Variants in SLCO3A1 observed in about 807,000 individuals in gnomAD.
The protein encoded by SLCO3A1 is PGE1 transporter.
A neutral mutation model predicts 63.1 loss-of-function variants in SLCO3A1; 27 were observed. That is an observed-to-expected ratio of 0.43 (90% CI 0.32 to 0.59). SLCO3A1 has a LOEUF of 0.59. Ranked by LOEUF, SLCO3A1 falls within the 20% of genes least tolerant of loss-of-function variation. SLCO3A1 has a pLI of 0.09. For missense variants in SLCO3A1, 773 were observed against 945.8 expected, an observed-to-expected ratio of 0.82 and a Z score of 2.40; for synonymous variants, 473 against 409.9, an observed-to-expected ratio of 1.15 and a Z score of -1.86.
chr15:91,866,184 G>A (rs897843826), intron 1 of SLCO3A1, among the ~76,000 whole-genome samples: 1 of 152,136 alleles, frequency 6.6e-6, no homozygotes, highest in African/African-American at 2.4e-5. Flanking sequence ...GGATTGGACT[G>A]ATAGTCATGT....
At chr15:92,086,080 T>C (rs760208097) in intron 2 of SLCO3A1, among the ~76,000 whole-genome samples, 6 of 152,256 alleles carry the variant, frequency 3.9e-5, no homozygotes, top group Admixed American at 1.3e-4. Context: ...CAAACAATGC[T>C]GGTGTGCGCA....
chr15:91,924,897 T>TGCAA (rs897706163), intron 2 of SLCO3A1, among the ~76,000 whole-genome samples: 4 of 152,358 alleles, frequency 2.6e-5, no homozygotes, highest in Admixed American at 2.6e-4. Flanking sequence ...TTACTGTGTG[T>TGCAA]GCAAGAGCAT....
chr15:92,122,323 T>C (rs1432538745), intron 5 of SLCO3A1, among the ~76,000 whole-genome samples: 1 of 152,192 alleles, frequency 6.6e-6, no homozygotes, highest in African/African-American at 2.4e-5. Flanking sequence ...AGGAGTCAGA[T>C]TGTCTGCTGA....
At chr15:92,166,051 T>C, downstream of SLCO3A1, 1 of 263,676 alleles carries the variant, frequency 3.8e-6, no homozygotes, top group Non-Finnish European at 5.2e-6. Flanking sequence ...TTGTTTTGTT[T>C]TTTGTTTTGT....
chr15:91,912,560 A>C lies in SLCO3A1; in HGVS notation c.181-3433A>C, dbSNP rs1301229404. ...GTCCCAATCACCCTTATCTGTCATC[A>C]ATGTGCACACCTGCATGATATTTTA... On this transcript the variant is annotated intron_variant, in intron 1 of 9. Transcript: ENST00000318445. This position sits in a 1 kb window ranked among gnomAD's most constrained non-coding sequence, Gnocchi z 5.0. 1.3e-5 allele frequency among the ~76,000 whole-genome samples: 2 copies of C among 152,276 alleles called. No homozygotes were observed. Among genetic ancestry groups the C allele is most frequent in the East Asian group, 3.9e-4 (2 of 5,188 alleles).
chr15:91,919,529 A>T (rs1898772871), intron 2 of SLCO3A1, among the ~76,000 whole-genome samples: 1 of 152,350 alleles, frequency 6.6e-6, no homozygotes, highest in Middle Eastern at 3.4e-3. Flanking sequence ...GAGTGACTAC[A>T]TGGGCGCAGT....
intron 3 of SLCO3A1, among the ~76,000 whole-genome samples, chr15:92,096,137 A>C (rs770247587): frequency 2.0e-5 from 3 of 152,094 alleles, no homozygotes; most frequent in African/African-American, 7.2e-5. Context: ...CAAGGTGGCA[A>C]CCTGGTCTTG....
intron 1 of SLCO3A1, among the ~76,000 whole-genome samples, chr15:91,880,881 G>A (rs1238001293): frequency 6.6e-6 from 1 of 152,116 alleles, no homozygotes; most frequent in East Asian, 1.9e-4. Context: ...TCTGTCTATG[G>A]TTCTCTTCTT....
In SLCO3A1 at chr15:91,971,140, A is replaced by G. The variant is rs549669490; in HGVS notation, c.646+54682A>G. ...GCCGGGCGCGGTGGCTCACACCTGT[A>G]ATCTTAGCACTTCGGGAGGCCGAGG... is the stretch of plus-strand genomic sequence containing the variant. On this transcript the variant is annotated intron_variant, in intron 2 of 9. Transcript: ENST00000318445. Among the ~76,000 whole-genome samples, 222 of 152,188 alleles carry G rather than the reference A, an allele frequency of 1.5e-3. 2 individuals are homozygous for G. The highest frequency in any genetic ancestry group is 5.2e-3 in the African/African-American group (215 of 41,508).
chr15:92,154,424 T>TGCACACTTGAAATGTG (rs945567168), intron 9 of SLCO3A1, among the ~76,000 whole-genome samples: 3 of 152,236 alleles, frequency 2.0e-5, no homozygotes, highest in African/African-American at 7.2e-5. Context: ...CAGGTGCTGT[T>TGCACACTTGAAATGTG]GCACACTTGA....
chr15:92,128,253 C>A, intron 6 of SLCO3A1, 98 bp from the exon 7 acceptor site: 1 of 1,405,206 alleles, frequency 7.1e-7, no homozygotes, highest in Non-Finnish European at 1.0e-6. Context: ...CAGGGTACCA[C>A]GCGACTCATC....
At chr15:91,974,265 G>GTTGTTGTTGTTATTATTA (rs147991710) in intron 2 of SLCO3A1, among the ~76,000 whole-genome samples, 13,473 of 142,746 alleles carry the variant, frequency 0.094, 755 homozygotes, top group South Asian at 0.13. Context: ...TTTCATTATT[G>GTTGTTGTTGTTATTATTA]TTATTATTAT....
At chr15:91,972,379 A>T (rs992050368) in intron 2 of SLCO3A1, among the ~76,000 whole-genome samples, 1 of 152,102 alleles carries the variant, frequency 6.6e-6, no homozygotes, top group Non-Finnish European at 1.5e-5. Flanking sequence ...AGCCCCCATG[A>T]TGGGGTTAGT....
At chr15:91,939,864 C>G (rs1248998925) in intron 2 of SLCO3A1, among the ~76,000 whole-genome samples, 1 of 152,162 alleles carries the variant, frequency 6.6e-6, no homozygotes, top group Non-Finnish European at 1.5e-5. Flanking sequence ...ACACAGCTAG[C>G]AATTACTGAG....
rs1487282926 is a variant in SLCO3A1, at chr15:92,033,295, A to G, written c.647-61586A>G. ...AGCACCTGCAAGTGTGGAAATGGAC[A>G]CGGATGTCCTCTTAGTATTTCTGCC... On this transcript the variant is annotated intron_variant, in intron 2 of 9. Transcript: ENST00000318445. This position sits in a 1 kb window ranked among gnomAD's most constrained non-coding sequence, Gnocchi z 4.5. Among the ~76,000 whole-genome samples, 1 of 152,212 alleles carries G rather than the reference A, an allele frequency of 6.6e-6. No individual in the cohort carries two copies. The highest frequency in any genetic ancestry group is 1.5e-5 in the Non-Finnish European group (1 of 68,036).
chr15:91,944,716 C>A (rs1425843393), intron 2 of SLCO3A1, among the ~76,000 whole-genome samples: 2 of 152,000 alleles, frequency 1.3e-5, no homozygotes, highest in Non-Finnish European at 2.9e-5. Flanking sequence ...GAGTTCTGAA[C>A]ATCTGAGTCT....
intron 10 of SLCO3A1, chr15:92,171,478 A>G (rs970570723): frequency 6.8e-6 from 2 of 295,186 alleles, no homozygotes; most frequent in Non-Finnish European, 1.3e-5. Context: ...TAAGATAAGG[A>G]TAAATTATTG....
At chr15:92,058,086 G>A (rs1287547615) in intron 2 of SLCO3A1, among the ~76,000 whole-genome samples, 1 of 152,162 alleles carries the variant, frequency 6.6e-6, no homozygotes, top group African/African-American at 2.4e-5. Context: ...ATTTGGACTT[G>A]AGCCTCATCA....
rs1427330911 is a variant in SLCO3A1, at chr15:91,942,896, A to G, written c.646+26438A>G. 3.9e-5 allele frequency among the ~76,000 whole-genome samples: 6 copies of G among 152,172 alleles called. No homozygotes were observed. Among genetic ancestry groups the G allele is most frequent in the Admixed American group, 3.3e-4 (5 of 15,286 alleles). ...TGGAAATCTTAAGGGGAGTTCCCCT[A>G]TTGATCAGACAGAGCAGAACTGCTC... On this transcript the variant is annotated intron_variant, in intron 2 of 9. Transcript: ENST00000318445. The surrounding 1 kb of genome is among the most constrained non-coding windows in gnomAD (Gnocchi z 4.1).
Sources: gnomAD v4.1 joint callset for allele counts (sites outside exome capture counted in the v4.1 genomes callset) on GRCh38, gnomAD v4.1.1 for gene constraint, Gnocchi (gnomAD v3.1) non-coding constraint, MANE v1.5 for transcripts, NCBI Gene and HGNC (gene_info 2026-07-23, HGNC 2026-07-21) for gene names.